CFAP43: variants seen among roughly 807,000 people sequenced by gnomAD.
CFAP43 encodes the protein cilia and flagella associated protein 43.
A neutral mutation model predicts 218.9 loss-of-function variants in CFAP43; 155 were observed. The observed-to-expected ratio is 0.71, with a 90% CI of 0.62 to 0.81. The LOEUF (loss-of-function observed/expected upper bound fraction) is 0.81, where lower values mean the gene tolerates loss of function less well. Among genes scored for constraint, CFAP43 ranks in the 30% least tolerant of loss-of-function variants. The pLI, the probability that CFAP43 is intolerant of heterozygous loss-of-function variation, is 0.00. For synonymous variants in CFAP43, 645 were observed against 681.3 expected, an observed-to-expected ratio of 0.95 and a Z score of 0.83; for missense variants, 1,778 against 1,954.3, an observed-to-expected ratio of 0.91 and a Z score of 1.70.
At chr10:104,213,985 G>A (rs999042138) in intron 4 of CFAP43, among the ~76,000 whole-genome samples, 15 of 152,196 alleles carry the variant, frequency 9.9e-5, no homozygotes, top group Admixed American at 3.9e-4. Flanking sequence ...ATTAGATCAT[G>A]TTGGAAAAAG....
At chr10:104,207,075 G>T (rs1225469985) in intron 6 of CFAP43, among the ~76,000 whole-genome samples, 1 of 152,090 alleles carries the variant, frequency 6.6e-6, no homozygotes, top group African/African-American at 2.4e-5. Context: ...CTGGGAGGCT[G>T]AGACACGAGA....
In CFAP43 at chr10:104,207,762, G is replaced by C. The variant is rs748982269; in HGVS notation, c.798C>G (p.Asp266Glu). 1.2e-6 allele frequency: 2 copies of C among 1,614,152 alleles called. No homozygotes were observed. The highest frequency in any genetic ancestry group is 2.2e-5 in the South Asian group (2 of 91,074). The change falls in exon 6 of 38, where the codon GAC becomes GAG. Residue 266 changes from aspartate to glutamate, a missense_variant. By Grantham distance (45) the Asp-to-Glu change is conservative. This residue lies in a region of CFAP43 where 1,553 missense variants were observed against 1,685.2 expected (regional missense o/e 0.92). Coordinates refer to ENST00000357060, the MANE Select transcript of CFAP43 (RefSeq NM_025145.7). ...GACCCTCTTCACAGCCAATGTACAA[G>C]TCACTTGTTGGAGTCCAGCAATGCA... is the stretch of plus-strand genomic sequence containing the variant. Reference protein sequence around the residue: ...PTMHCWTPTSDLYIGCEEGHL... With the variant: ...PTMHCWTPTSELYIGCEEGHL...
At position 104,161,975 on chromosome 10, in the gene CFAP43, C is replaced by A. The variant is rs1220380868; in HGVS notation, c.3400G>T (p.Asp1134Tyr). The A allele has an allele frequency of 5.0e-6, 8 of 1,613,550 alleles. No homozygotes were observed. The highest frequency in any genetic ancestry group is 6.8e-6 in the Non-Finnish European group (8 of 1,179,816). Residue 1134 changes from aspartate (D) to tyrosine (Y), a missense_variant, in exon 26 of 38, where the codon GAT (aspartate) becomes TAT (tyrosine). Physicochemically the swap from Asp to Tyr is radical, Grantham distance 160. Coordinates refer to ENST00000357060, the MANE Select transcript of CFAP43 (RefSeq NM_025145.7). ...MGGVLEVKKE[D>Y]ILRMVIPQPA... ...AGAAATATCACCATTCTCAAAATAT[C>A]TTCCTTCTTGACTTCCAGAACTCCT...
intron 4 of CFAP43, among the ~76,000 whole-genome samples, chr10:104,212,629 G>T (rs1189616865): frequency 6.6e-6 from 1 of 152,084 alleles, no homozygotes; most frequent in African/African-American, 2.4e-5. Context: ...TAATTCAAAT[G>T]AAAAACACTG....
intron 11 of CFAP43, 26 bp downstream of exon 11, chr10:104,193,840 C>T (rs760729378): frequency 1.4e-5 from 23 of 1,607,014 alleles, no homozygotes; most frequent in Non-Finnish European, 1.9e-5. Context: ...GACACGGAGC[C>T]GCTCCTGGAG....
At position 104,130,084 on chromosome 10, in the gene CFAP43, A is replaced by G. The variant is rs1172627605; in HGVS notation, c.*55T>C. The G allele has an allele frequency of 6.6e-7, 1 of 1,517,320 alleles. No individual in the cohort carries two copies. Among genetic ancestry groups the G allele is most frequent in the Non-Finnish European group, 8.8e-7 (1 of 1,134,770 alleles). The allele number at this position is 1,517,320 out of a possible 1,614,324, so 94.0% of individuals were successfully genotyped here. On this transcript the variant is annotated 3_prime_UTR_variant, in exon 38 of 38. Coordinates refer to ENST00000357060, the MANE Select transcript of CFAP43 (RefSeq NM_025145.7). ...AAAGAAAAGGAAATCATTTTACCCA[A>G]ATGAAATGATTTTTTAAATGATTGA... is the stretch of plus-strand genomic sequence containing the variant.
At chr10:104,227,083 T>C (rs1049731606) in intron 2 of CFAP43, among the ~76,000 whole-genome samples, 2 of 152,170 alleles carry the variant, frequency 1.3e-5, no homozygotes, top group African/African-American at 2.4e-5. Context: ...TTGCCTCCTA[T>C]TGGTTTTTTA....
chr10:104,229,112 G>A (rs2091379184), intron 2 of CFAP43, among the ~76,000 whole-genome samples: 1 of 152,166 alleles, frequency 6.6e-6, no homozygotes, highest in African/African-American at 2.4e-5. Context: ...TCCCCAACAT[G>A]TGAATGGGTT....
rs181259425 is a variant in CFAP43 at position 104,207,126 on chromosome 10, T to C, written c.895+539A>G. On this transcript the variant is annotated intron_variant, in intron 6 of 37. Transcript: ENST00000357060. ...AGGCGGAGGTTGCAGTGAGCCAAGA[T>C]TGCACCACTGCATCCTAGCCTGGGT... 3.3e-3 allele frequency among the ~76,000 whole-genome samples: 502 copies of C among 152,088 alleles called. 1 individual carries two copies. Among genetic ancestry groups the C allele is most frequent in the Non-Finnish European group, 5.5e-3 (377 of 67,974 alleles).
chr10:104,205,760 T>G (rs527404011), intron 7 of CFAP43, among the ~76,000 whole-genome samples: 1 of 152,326 alleles, frequency 6.6e-6, no homozygotes, highest in East Asian at 1.9e-4. Flanking sequence ...ATATGGTAGT[T>G]CATTATATCG....
intron 3 of CFAP43, among the ~76,000 whole-genome samples, chr10:104,223,659 A>G (rs11191954): frequency 0.14 from 20,861 of 148,744 alleles, 1,499 homozygotes; most frequent in South Asian, 0.22. Context: ...TGCACTTGTC[A>G]TCTCTTCCCA....
At chr10:104,213,745 C>T (rs1384396334) in intron 4 of CFAP43, among the ~76,000 whole-genome samples, 1 of 152,108 alleles carries the variant, frequency 6.6e-6, no homozygotes, top group African/African-American at 2.4e-5. Context: ...CCGTGTTAGC[C>T]AGGATGGTCT....
intron 3 of CFAP43, among the ~76,000 whole-genome samples, chr10:104,221,126 C>T (rs960144829): frequency 6.6e-6 from 1 of 152,160 alleles, no homozygotes; most frequent in African/African-American, 2.4e-5. Context: ...CAGGCACCCA[C>T]CACCACTCTG....
In CFAP43 at chr10:104,225,542, T is replaced by A. The variant is rs202009304; in HGVS notation, c.335A>T (p.Asp112Val). The A allele has an allele frequency of 7.0e-5, 112 of 1,611,256 alleles. No homozygotes were observed. Among genetic ancestry groups the A allele is most frequent in the Non-Finnish European group, 9.2e-5 (109 of 1,178,616 alleles). The change falls in exon 3 of 38, where the codon GAC (aspartate) becomes GTC (valine). Residue 112 changes from aspartate to valine, a missense_variant. This residue lies in a region of CFAP43 where 1,553 missense variants were observed against 1,685.2 expected (regional missense o/e 0.92). Transcript: ENST00000357060. Reference protein sequence around the residue: ...RTKLKGNILLDYTLLSFSYCG... With the variant: ...RTKLKGNILLVYTLLSFSYCG... The stretch of plus-strand genomic sequence containing the variant: ...GTAACTGAATGAAAGTAAAGTGTAG[T>A]CCAGGAGAATGTTGCCTAAAATATA...
Position 104,130,040 on chromosome 10 carries a change from A to G in CFAP43, c.*99T>C. The G allele has an allele frequency of 2.2e-6, 3 of 1,368,466 alleles. No individual in the cohort carries two copies. The highest frequency in any genetic ancestry group is 2.9e-6 in the Non-Finnish European group (3 of 1,029,614). 84.8% of individuals were successfully genotyped at this position (1,368,466 alleles called of 1,614,324 possible). A position where few individuals can be genotyped will look rare whatever the true frequency, so the allele number is the denominator to read the frequency against. ...AAACATGCAACTCAGAGGACATGCT[A>G]CTTCAATTTCCCAGTAAGAAAGAAA... On this transcript the variant is annotated 3_prime_UTR_variant, in exon 38 of 38. Coordinates refer to ENST00000357060, the MANE Select transcript of CFAP43 (RefSeq NM_025145.7).
At chr10:104,134,506 A>G (rs905248854) in intron 34 of CFAP43, among the ~76,000 whole-genome samples, 1 of 151,974 alleles carries the variant, frequency 6.6e-6, no homozygotes, top group Non-Finnish European at 1.5e-5. Context: ...ACTGACTAAG[A>G]AAAAAAAGGC....
intron 7 of CFAP43, 113 bp from the exon 8 acceptor site, chr10:104,203,916 T>A: frequency 1.0e-6 from 1 of 957,952 alleles, no homozygotes; most frequent in Non-Finnish European, 1.4e-6. Flanking sequence ...TTTGGAATCA[T>A]CATCTATGTT....
Position 104,192,277 on chromosome 10 carries a change from A to G in CFAP43, c.1468T>C (p.Leu490=). The G allele has an allele frequency of 1.9e-6, 3 of 1,612,592 alleles. No homozygotes were observed. Among genetic ancestry groups the G allele is most frequent in the Non-Finnish European group, 1.7e-6 (2 of 1,179,352 alleles). Residue 490 remains leucine (L), a synonymous_variant, in exon 12 of 38, where the codon TTA becomes CTA. Transcript: ENST00000357060. ...VVYDQQGIFL[L]VGTAEGKVFI... ...ACTTTTCCTTCTGCTGTTCCAACTA[A>G]CAGAAATATTCCTTGCTGATCATAA...
chr10:104,223,661 C>A (rs2091239169), intron 3 of CFAP43, among the ~76,000 whole-genome samples: 1 of 148,616 alleles, frequency 6.7e-6, no homozygotes, highest in South Asian at 2.1e-4. Flanking sequence ...CACTTGTCAT[C>A]TCTTCCCAGC....
Sources: gnomAD v4.1 joint callset for allele counts (sites outside exome capture counted in the v4.1 genomes callset) on GRCh38, gnomAD v4.1.1 for gene constraint, gnomAD v4.1.1 regional missense constraint, MANE v1.5 for transcripts, NCBI Gene and HGNC (gene_info 2026-07-23, HGNC 2026-07-21) for gene names.